MMS22L: variants seen among roughly 807,000 people sequenced by gnomAD.
The protein encoded by MMS22L is MMS22 like, DNA repair protein.
In MMS22L, 74 loss-of-function variants were observed where a neutral mutation model predicts 159.1. That is an observed-to-expected ratio of 0.47 (90% CI 0.39 to 0.56). The LOEUF is 0.56. Among genes scored for constraint, MMS22L ranks in the 20% least tolerant of loss-of-function variants. MMS22L has a pLI of 0.00. For missense variants in MMS22L, 1,351 were observed against 1,422.1 expected, an observed-to-expected ratio of 0.95 and a Z score of 0.80; for synonymous variants, 517 against 506.9, an observed-to-expected ratio of 1.02 and a Z score of -0.27.
At chr6:97,268,100 TAC>T (rs961100184) in intron 7 of MMS22L, 98 bp from the exon 8 acceptor site, 12 of 857,692 alleles carry the variant, frequency 1.4e-5, no homozygotes, top group African/African-American at 3.5e-5. Flanking sequence ...AACTAAAACA[TAC>T]AGTTTTTAAT....
chr6:97,182,897 C>G (rs998387283), intron 15 of MMS22L, among the ~76,000 whole-genome samples: 1 of 152,162 alleles, frequency 6.6e-6, no homozygotes, highest in Non-Finnish European at 1.5e-5. Context: ...ACCTCCTCCT[C>G]TCATTCTTTG....
chr6:97,268,577 TA>T (rs569761771), intron 7 of MMS22L, among the ~76,000 whole-genome samples: 8 of 147,408 alleles, frequency 5.4e-5, no homozygotes, highest in Admixed American at 6.8e-5. Context: ...CAACACAACT[TA>T]AAAAAAAAAG....
At chr6:97,151,386 T>C (rs1044552888) in intron 23 of MMS22L, among the ~76,000 whole-genome samples, 2 of 152,186 alleles carry the variant, frequency 1.3e-5, no homozygotes, top group African/African-American at 4.8e-5. Context: ...GGCCATACCA[T>C]ATAGCTTAGG....
chr6:97,151,915 C>T, intron 22 of MMS22L, 48 bp from the exon 23 acceptor site: 3 of 1,406,620 alleles, frequency 2.1e-6, no homozygotes, highest in Non-Finnish European at 3.0e-6. Flanking sequence ...AATTGACCAT[C>T]TGGATCCTCA....
At chr6:97,148,379 G>T (rs1438785456) in intron 24 of MMS22L, among the ~76,000 whole-genome samples, 1 of 152,096 alleles carries the variant, frequency 6.6e-6, no homozygotes, top group East Asian at 1.9e-4. Context: ...GACTCAGGCA[G>T]GTCCTTCAGG....
intron 3 of MMS22L, among the ~76,000 whole-genome samples, 180 bp from the exon 4 acceptor site, chr6:97,279,078 G>A (rs1816506510): frequency 6.6e-6 from 1 of 152,190 alleles, no homozygotes; most frequent in Non-Finnish European, 1.5e-5. Flanking sequence ...TTTAAGAAAA[G>A]ATAAAATACA....
chr6:97,231,784 G>A (rs1810901803), intron 12 of MMS22L, 132 bp from the exon 13 acceptor site: 4 of 654,954 alleles, frequency 6.1e-6, no homozygotes, highest in South Asian at 4.0e-5. Flanking sequence ...ACATGAACAC[G>A]ATTCTCTAAA....
At chr6:97,277,210 C>T (rs949987298) in intron 4 of MMS22L, among the ~76,000 whole-genome samples, 5 of 151,962 alleles carry the variant, frequency 3.3e-5, no homozygotes, top group East Asian at 3.9e-4. Flanking sequence ...GTCAGGAGTT[C>T]GACACCAGCC....
chr6:97,259,344 T>C (rs527512310), intron 9 of MMS22L: 1 of 152,184 alleles, frequency 6.6e-6, no homozygotes, highest in South Asian at 2.1e-4. Flanking sequence ...ATTCTGAGTG[T>C]GTCTATAAAG....
At position 97,254,897 on chromosome 6, in the gene MMS22L, T is replaced by C. The variant is rs115586129; in HGVS notation, c.943-164A>G. Among the ~76,000 whole-genome samples, 792 of 152,286 alleles carry C rather than the reference T, an allele frequency of 5.2e-3. 6 individuals carry two copies. Among genetic ancestry groups the C allele is most frequent in the African/African-American group, 0.018 (737 of 41,568 alleles). Reference sequence around the variant, plus strand: ...AGGTTAAGAATCAGAACATAAATAGTACTTTAGAAGTACCTTACAGGTCAC... The same window carrying C: ...AGGTTAAGAATCAGAACATAAATAGCACTTTAGAAGTACCTTACAGGTCAC... On this transcript the variant is annotated intron_variant, in intron 9 of 24. Coordinates refer to ENST00000683635, the MANE Select transcript of MMS22L (RefSeq NM_001350599.2).
chr6:97,151,231 C>T (rs1355638225), intron 23 of MMS22L, among the ~76,000 whole-genome samples: 1 of 152,144 alleles, frequency 6.6e-6, no homozygotes, highest in African/African-American at 2.4e-5. Flanking sequence ...TAGTTCAGTA[C>T]AATAAGATTA....
rs994376351 is a variant in MMS22L at position 97,144,506 on chromosome 6, G to A, written c.*2300C>T. 1.3e-5 allele frequency: 2 copies of A among 152,242 alleles called. No homozygotes were observed. The highest frequency in any genetic ancestry group is 1.5e-5 in the Non-Finnish European group (1 of 68,092). The allele number at this position is 152,242 out of a possible 1,614,324, so 9.4% of individuals were successfully genotyped here. A position where few individuals can be genotyped will look rare whatever the true frequency, so the allele number is the denominator to read the frequency against. On this transcript the variant is annotated 3_prime_UTR_variant, in exon 25 of 25. Transcript: ENST00000683635. ...AGTACCATTGTGGAAATGATGGGAA[G>A]ATAAAAGAAAATACAATTGTCACAG... is the stretch of plus-strand genomic sequence containing the variant.
At chr6:97,179,313 G>T in intron 17 of MMS22L, 95 bp downstream of exon 17, 2 of 1,063,662 alleles carry the variant, frequency 1.9e-6, no homozygotes, top group Non-Finnish European at 2.6e-6. Context: ...CGAATATTTT[G>T]TATATTTTCT....
chr6:97,215,204 A>T (rs991688255), intron 14 of MMS22L, among the ~76,000 whole-genome samples: 2 of 151,434 alleles, frequency 1.3e-5, no homozygotes, highest in African/African-American at 4.9e-5. Context: ...TTTCTTTATA[A>T]TATTTTACTA....
chr6:97,186,638 A>T lies in MMS22L; in HGVS notation c.2092T>A (p.Phe698Ile), dbSNP rs775535591. Residue 698 changes from phenylalanine (F) to isoleucine (I), a missense_variant, in exon 15 of 25, where the codon TTT becomes ATT. By Grantham distance (21) the Phe-to-Ile change is conservative. Coordinates refer to ENST00000683635, the MANE Select transcript of MMS22L (RefSeq NM_001350599.2). ...QELQRDNVDLFVQSSLSAKER... is the reference protein window; with the variant it reads ...QELQRDNVDLIVQSSLSAKER... Reference sequence around the variant, plus strand: ...TTAGCCGATAATGAAGACTGTACAAATAGGTCCACATTGTCCCTTTGAAGT... The same window carrying T: ...TTAGCCGATAATGAAGACTGTACAATTAGGTCCACATTGTCCCTTTGAAGT... The T allele has an allele frequency of 3.0e-5, 48 of 1,599,290 alleles. No homozygotes were observed. In the East Asian group the frequency reaches 1.1e-3, roughly 36 times the overall value.
chr6:97,180,044 C>T (rs1427663425), intron 16 of MMS22L, among the ~76,000 whole-genome samples: 1 of 152,028 alleles, frequency 6.6e-6, no homozygotes, highest in African/African-American at 2.4e-5. Context: ...AAACCATTTG[C>T]CAGATTTAAA....
intron 20 of MMS22L, among the ~76,000 whole-genome samples, chr6:97,166,698 C>G (rs1431229071): frequency 6.6e-6 from 1 of 151,990 alleles, no homozygotes; most frequent in African/African-American, 2.4e-5. Flanking sequence ...GATAATACAC[C>G]AAACTTTTAA....
chr6:97,275,990 T>G (rs1816206731), intron 4 of MMS22L, among the ~76,000 whole-genome samples: 2 of 151,518 alleles, frequency 1.3e-5, no homozygotes, highest in Admixed American at 6.6e-5. Context: ...GGCGATGGAG[T>G]GAGACCCTGT....
In MMS22L at chr6:97,145,232, T is replaced by C; in HGVS notation, c.*1574A>G. ...TGAAGTCTATTAAACAGCCTTAAGC[T>C]TTCATTTATTCCCTTTGATGAAGCT... On this transcript the variant is annotated 3_prime_UTR_variant, in exon 25 of 25. Transcript: ENST00000683635. 6.6e-6 allele frequency: 1 copy of C among 152,184 alleles called. No individual in the cohort carries two copies. Among genetic ancestry groups the C allele is most frequent in the East Asian group, 1.9e-4 (1 of 5,200 alleles). 9.4% of individuals were successfully genotyped at this position (152,184 alleles called of 1,614,324 possible).
Sources: allele counts gnomAD v4.1 joint callset (sites outside exome capture counted in the v4.1 genomes callset), GRCh38; gene constraint gnomAD v4.1.1; transcripts MANE v1.5; gene names NCBI Gene and HGNC (gene_info 2026-07-23, HGNC 2026-07-21).